The following VDAC1 variants were observed in gnomAD, a reference collection of about 807,000 sequenced individuals.
VDAC1 encodes the protein non-selective voltage-gated ion channel VDAC1.
VDAC1 carries 10 observed loss-of-function variants against 34.7 expected under a neutral mutation model. That is an observed-to-expected ratio of 0.29 (90% CI 0.18 to 0.49). VDAC1 has a LOEUF of 0.49. Among genes scored for constraint, VDAC1 ranks in the 20% least tolerant of loss-of-function variants. The pLI is 0.99. For missense variants in VDAC1, 230 were observed against 347.9 expected (o/e 0.66, Z 2.69); for synonymous variants, 130 against 136.0 (o/e 0.96, Z 0.30).
chr5:134,007,722 A>G (rs1347996301), upstream of VDAC1, among the ~76,000 whole-genome samples: 1 of 152,200 alleles, frequency 6.6e-6, no homozygotes, highest in African/African-American at 2.4e-5. Context: ...TGGGTCTGGC[A>G]TCCCTGTCGG....
the VDAC1 span, among the ~76,000 whole-genome samples, chr5:134,016,083 C>T: frequency 1.5e-4 from 23 of 152,250 alleles, no homozygotes; most frequent in Non-Finnish European, 2.8e-4. Flanking sequence ...GCCCCCACAC[C>T]TGGCCTCCAA....
At chr5:134,091,639 G>A in the VDAC1 span, among the ~76,000 whole-genome samples, 2 of 152,130 alleles carry the variant, frequency 1.3e-5, no homozygotes, top group African/African-American at 2.4e-5. Flanking sequence ...AGCTCTTGCT[G>A]CCCTGCTGGA....
chr5:134,094,222 C>T, the VDAC1 span, among the ~76,000 whole-genome samples: 2 of 152,230 alleles, frequency 1.3e-5, no homozygotes, highest in East Asian at 1.9e-4. Flanking sequence ...GCAGGTCATT[C>T]GCGTTCCAGG....
At chr5:133,992,925 C>T in intron 2 of VDAC1, 21 bp downstream of exon 2, 2 of 1,607,102 alleles carry the variant, frequency 1.2e-6, no homozygotes, top group Non-Finnish European at 1.7e-6. Flanking sequence ...CTGAAAGGCA[C>T]CCCCTCTCTG....
At chr5:134,001,301 T>G (rs1376659308) in intron 1 of VDAC1, among the ~76,000 whole-genome samples, 1 of 152,110 alleles carries the variant, frequency 6.6e-6, no homozygotes, top group Non-Finnish European at 1.5e-5. Context: ...AAACACACTA[T>G]CTCTCTCCCA....
At chr5:133,991,983 T>C (rs111670851) in intron 3 of VDAC1, among the ~76,000 whole-genome samples, 63 of 152,324 alleles carry the variant, frequency 4.1e-4, no homozygotes, top group African/African-American at 1.5e-3. Context: ...ATGCCTATAA[T>C]TCCAGCACTT....
chr5:134,031,989 T>A, the VDAC1 span, among the ~76,000 whole-genome samples: 4 of 140,978 alleles, frequency 2.8e-5, no homozygotes, highest in Middle Eastern at 3.8e-3. Context: ...ATTAGCTGGG[T>A]GTGGTGTCAT....
chr5:133,981,015 T>TA, intron 5 of VDAC1, 59 bp from the exon 6 acceptor site: 1 of 1,439,690 alleles, frequency 6.9e-7, no homozygotes, highest in Non-Finnish European at 9.5e-7. Context: ...ATGCAAGTTG[T>TA]CTTTTTTTTT....
intron 1 of VDAC1, among the ~76,000 whole-genome samples, chr5:133,995,448 G>A (rs1443108098): frequency 6.6e-6 from 1 of 151,794 alleles, no homozygotes. Context: ...CCCCGTTCTG[G>A]GCCCCCAAGT....
intron 1 of VDAC1, among the ~76,000 whole-genome samples, chr5:134,000,100 CACACACAT>C (rs1561599442): frequency 6.6e-6 from 1 of 152,122 alleles, no homozygotes; most frequent in Non-Finnish European, 1.5e-5. Flanking sequence ...GCAGCTCGCT[CACACACAT>C]GCACGCATGC....
the VDAC1 span, among the ~76,000 whole-genome samples, chr5:134,050,211 T>G: frequency 6.6e-6 from 1 of 152,128 alleles, no homozygotes; most frequent in Non-Finnish European, 1.5e-5. Flanking sequence ...ATCACGCCAT[T>G]GCACTCTAGC....
the VDAC1 span, among the ~76,000 whole-genome samples, chr5:134,027,592 A>C: frequency 6.6e-6 from 1 of 152,172 alleles, no homozygotes; most frequent in Admixed American, 6.6e-5. Context: ...GCCTCTGAAA[A>C]GGTGACTGCT....
At chr5:134,082,362 A>G in the VDAC1 span, among the ~76,000 whole-genome samples, 1 of 152,330 alleles carries the variant, frequency 6.6e-6, no homozygotes, top group East Asian at 1.9e-4. Flanking sequence ...CAACATAATT[A>G]TTGTGAGATT....
chr5:134,003,831 C>T (rs1451688287), intron 1 of VDAC1, among the ~76,000 whole-genome samples: 3 of 152,248 alleles, frequency 2.0e-5, no homozygotes, highest in Non-Finnish European at 4.4e-5. Context: ...GACTTCCCAG[C>T]TGTGTGACCT....
At chr5:134,083,249 C>T in the VDAC1 span, among the ~76,000 whole-genome samples, 10 of 142,674 alleles carry the variant, frequency 7.0e-5, no homozygotes, top group Admixed American at 6.8e-4. Context: ...AGTGCAGTGG[C>T]ACAATCTCAG....
At chr5:133,995,185 C>T (rs1316743545) in intron 1 of VDAC1, among the ~76,000 whole-genome samples, 3 of 152,218 alleles carry the variant, frequency 2.0e-5, no homozygotes, top group African/African-American at 7.2e-5. Flanking sequence ...ACTCAGAGAG[C>T]AGAGCTCAGA....
At chr5:134,106,414 C>CT in the VDAC1 span, among the ~76,000 whole-genome samples, 2 of 146,546 alleles carry the variant, frequency 1.4e-5, no homozygotes, top group Admixed American at 6.8e-5. Context: ...TTGTCATCCT[C>CT]TTTTTTTTTT....
At chr5:134,042,762 A>C in the VDAC1 span, among the ~76,000 whole-genome samples, 1 of 152,188 alleles carries the variant, frequency 6.6e-6, no homozygotes, top group Non-Finnish European at 1.5e-5. Context: ...GCTGGGGATT[A>C]CAGGCGTGAG....
rs1201462701 is a variant in VDAC1 at position 133,972,524 on chromosome 5, A to T, written c.*247T>A. On this transcript the variant is annotated 3_prime_UTR_variant, in exon 9 of 9. Transcript: ENST00000265333. The stretch of plus-strand genomic sequence containing the variant: ...TGCAGCCATTTCTAGATAAAAAAGA[A>T]ACCTGGCATCTCAAAGGGGCCACCA... 2 of 442,620 alleles carry T rather than the reference A, an allele frequency of 4.5e-6. No homozygotes were observed. The highest frequency in any genetic ancestry group is 8.0e-6 in the Non-Finnish European group (2 of 251,186). The allele number at this position is 442,620 out of a possible 1,614,324, so 27.4% of individuals were successfully genotyped here. A position where few individuals can be genotyped will look rare whatever the true frequency, so the allele number is the denominator to read the frequency against.
Sources: allele counts gnomAD v4.1 joint callset (sites outside exome capture counted in the v4.1 genomes callset), GRCh38; gene constraint gnomAD v4.1.1; transcripts MANE v1.5; gene names NCBI Gene and HGNC (gene_info 2026-07-23, HGNC 2026-07-21).